ULK1: variants seen among roughly 807,000 people sequenced by gnomAD.
The protein encoded by ULK1 is unc-51 like autophagy activating kinase 1.
In ULK1, 48 loss-of-function variants were observed where a neutral mutation model predicts 117.5. The ratio of observed to expected loss-of-function variants is 0.41; its 90% CI spans 0.32 to 0.52. ULK1 has a LOEUF of 0.52. Ranked by LOEUF, ULK1 falls within the 20% of genes least tolerant of loss-of-function variation. ULK1 has a pLI of 0.29. For missense variants in ULK1, 1,387 were observed against 1,473.4 expected (o/e 0.94, Z 0.96); for synonymous variants, 790 against 637.8 (o/e 1.24, Z -3.60).
In ULK1 at chr12:131,908,625, G is replaced by A; in HGVS notation, c.317-19G>A. 3.4e-6 allele frequency: 5 copies of A among 1,468,964 alleles called. No homozygotes were observed. Among genetic ancestry groups the A allele is most frequent in the Non-Finnish European group, 3.6e-6 (4 of 1,115,830 alleles). 91.0% of individuals were successfully genotyped at this position (1,468,964 alleles called of 1,614,324 possible). A position where few individuals can be genotyped will look rare whatever the true frequency, so the allele number is the denominator to read the frequency against. On this transcript the variant is annotated intron_variant, in intron 5 of 27. Coordinates refer to ENST00000321867, the MANE Select transcript of ULK1 (RefSeq NM_003565.4). ...GGAGGAAACACGGCCCCCAGGCCCT[G>A]AGCCGCCTCTCCCCGCAGCCATGCG...
At position 131,913,931 on chromosome 12, in the gene ULK1, G is replaced by C. The variant is rs1344008015; in HGVS notation, c.1247+95G>C. 4 of 1,115,792 alleles carry C rather than the reference G, an allele frequency of 3.6e-6. No homozygotes were observed. The African/African-American group carries it at 4.9e-5, about 14-fold the overall frequency. 69.1% of individuals were successfully genotyped at this position (1,115,792 alleles called of 1,614,324 possible). On this transcript the variant is annotated intron_variant, in intron 15 of 27. Transcript: ENST00000321867. ...GTGTCGCAGCCAGCCCAGGCCTGCT[G>C]TGTCCAGAGGCCCCTGCCTTCTTCT...
rs1413532595 is a variant in ULK1, at chr12:131,916,343, G to A, written c.1879-55G>A. On this transcript the variant is annotated intron_variant, in intron 19 of 27. Transcript: ENST00000321867. ...GACTCGGCCCCTTCCCCAGGCACCG[G>A]GCCCCAGGGCTGCAGACCTGCGGGG... The A allele has an allele frequency of 2.6e-6, 4 of 1,524,902 alleles. No homozygotes were observed. In the African/African-American group the frequency reaches 4.2e-5, roughly 16 times the overall value. The allele number at this position is 1,524,902 out of a possible 1,614,324, so 94.5% of individuals were successfully genotyped here.
chr12:131,908,781 C>T lies in ULK1; in HGVS notation c.454C>T (p.Arg152Cys), dbSNP rs772152229. ...CATCCTGCTGTCCAACCCCGCCGGC[C>T]GCCGCGCCAACCCCAACAGCATCCG... ...QNILLSNPAGRRANPNSIRVK... is the reference protein window; with the variant it reads ...QNILLSNPAGCRANPNSIRVK... The change falls in exon 6 of 28, where the codon CGC becomes TGC. Residue 152 changes from arginine (R) to cysteine (C), a missense_variant. Arg to Cys is a radical substitution (Grantham distance 180). This residue lies in a region of ULK1 where 224 missense variants were observed against 325.2 expected (regional missense o/e 0.69). Transcript: ENST00000321867. 1.1e-5 allele frequency: 17 copies of T among 1,607,522 alleles called. No individual in the cohort carries two copies. Among genetic ancestry groups the T allele is most frequent in the Non-Finnish European group, 1.4e-5 (16 of 1,177,840 alleles).
chr12:131,920,168 G>A (rs1408428274), intron 26 of ULK1, 32 bp downstream of exon 26: 2 of 1,599,272 alleles, frequency 1.3e-6, no homozygotes, highest in African/African-American at 2.7e-5. Flanking sequence ...GTGGGGCAGG[G>A]GCCAGGAACT....
rs1485010009 is a variant in ULK1, at chr12:131,902,049, G to A, written c.247-4843G>A. On this transcript the variant is annotated intron_variant, in intron 3 of 27. Coordinates refer to ENST00000321867, the MANE Select transcript of ULK1 (RefSeq NM_003565.4). This position sits in a 1 kb window ranked among gnomAD's most constrained non-coding sequence, Gnocchi z 6.3. ...GTCCAGACCCCCAGGCCCAGCAGGC[G>A]GGAGGCTGCAGAGGTCAGCCTTGGG... Among the ~76,000 whole-genome samples the A allele has an allele frequency of 6.6e-6, 1 of 152,100 alleles. No individual in the cohort carries two copies. Among genetic ancestry groups the A allele is most frequent in the Non-Finnish European group, 1.5e-5 (1 of 67,992 alleles).
chr12:131,897,579 C>G (rs977901799), intron 3 of ULK1: 5 of 152,174 alleles, frequency 3.3e-5, no homozygotes, highest in Admixed American at 3.3e-4. Context: ...GGCCCTGTCT[C>G]TAAAAGAGTA....
At chr12:131,901,645 G>A (rs957868134) in intron 3 of ULK1, among the ~76,000 whole-genome samples, 1 of 152,220 alleles carries the variant, frequency 6.6e-6, no homozygotes, top group Admixed American at 6.5e-5. Context: ...CGTAGGTTGA[G>A]GGGTGCTGTG....
chr12:131,913,802 TC>T lies in ULK1; in HGVS notation c.1217del (p.Pro406HisfsTer241). ...LESHGRTPSP[S>X]PPCSSSPSPS... The stretch of plus-strand genomic sequence containing the variant: ...GAGCCACGGCCGGACCCCATCTCCA[TC>T]CCCACCCTGCAGCAGCTCCCCCAGT... On this transcript the variant is annotated frameshift_variant, in exon 15 of 28. Coordinates refer to ENST00000321867, the MANE Select transcript of ULK1 (RefSeq NM_003565.4). LOFTEE classifies it high-confidence loss of function. 1 of 1,573,192 alleles carries T rather than the reference TC, an allele frequency of 6.4e-7. No homozygotes were observed. Among genetic ancestry groups the T allele is most frequent in the Non-Finnish European group, 8.6e-7 (1 of 1,158,832 alleles).
intron 26 of ULK1, 182 bp downstream of exon 26, chr12:131,920,318 G>A (rs1890095662): frequency 4.0e-6 from 3 of 751,974 alleles, no homozygotes; most frequent in Admixed American, 3.0e-5. Flanking sequence ...GCTCGGCTGG[G>A]TGCATCCTTG....
At chr12:131,920,805 C>A in intron 26 of ULK1, 1 of 405,620 alleles carries the variant, frequency 2.5e-6, no homozygotes, top group East Asian at 3.8e-5. Flanking sequence ...TGCCCCCCTT[C>A]CCGCCCAGGC....
Position 131,915,440 on chromosome 12 carries a change from G to T in ULK1, c.1609+19G>T, listed in dbSNP as rs577978553. 32 of 1,610,920 alleles carry T rather than the reference G, an allele frequency of 2.0e-5. 1 individual carries two copies. Among genetic ancestry groups the T allele is most frequent in the Admixed American group, 1.8e-4 (11 of 59,936 alleles). The stretch of plus-strand genomic sequence containing the variant: ...CGTCCAGGTGGGTGCAGTCCGGAGG[G>T]GGGAGGGGGTGCTAGGCTGACCTCC... On this transcript the variant is annotated intron_variant, in intron 18 of 27. Coordinates refer to ENST00000321867, the MANE Select transcript of ULK1 (RefSeq NM_003565.4).
chr12:131,913,119 C>T (rs1889613933), intron 13 of ULK1, 79 bp from the exon 14 acceptor site: 2 of 1,391,766 alleles, frequency 1.4e-6, no homozygotes, highest in Non-Finnish European at 1.9e-6. Flanking sequence ...CGTGGGGATC[C>T]AGCAGAGAGC....
intron 20 of ULK1, 48 bp from the exon 21 acceptor site, chr12:131,916,905 A>AGGGTG (rs1889814552): frequency 7.7e-7 from 1 of 1,290,384 alleles, no homozygotes; most frequent in Non-Finnish European, 1.0e-6. Context: ...AGGTCCAGTT[A>AGGGTG]GGGTGGGGTG....
At chr12:131,895,301 C>G (rs1235291142) in intron 1 of ULK1, among the ~76,000 whole-genome samples, 189 bp downstream of exon 1, 1 of 151,082 alleles carries the variant, frequency 6.6e-6, no homozygotes, top group Non-Finnish European at 1.5e-5. Flanking sequence ...TTCAGACTCC[C>G]GCCCCGAGAT....
chr12:131,909,813 G>C lies in ULK1; in HGVS notation c.705G>C (p.Lys235Asn), dbSNP rs752863975. ...AGGACCTGCGCCTGTTCTACGAGAA[G>C]AACAAGACGTTGGTCCCCACGTAAG... is the stretch of plus-strand genomic sequence containing the variant. Reference protein sequence around the residue: ...SPQDLRLFYEKNKTLVPTIPR... With the variant: ...SPQDLRLFYENNKTLVPTIPR... Residue 235 changes from lysine to asparagine, a missense_variant, in exon 9 of 28, where the codon AAG (lysine) becomes AAC (asparagine). This residue lies in a region of ULK1 where 260 missense variants were observed against 271.6 expected (regional missense o/e 0.96). Transcript: ENST00000321867. 3 of 1,611,550 alleles carry C rather than the reference G, an allele frequency of 1.9e-6. No individual in the cohort carries two copies. Among genetic ancestry groups the C allele is most frequent in the East Asian group, 2.2e-5 (1 of 44,832 alleles).
In ULK1 at chr12:131,895,657, T is replaced by G; in HGVS notation, c.168T>G (p.Ser56=). Reference sequence around the variant, plus strand: ...TTAACAAGAAGAACCTCGCCAAGTCTCAGACGCTGCTGGGGAAGGAAATCA... The same window carrying G: ...TTAACAAGAAGAACCTCGCCAAGTCGCAGACGCTGCTGGGGAAGGAAATCA... ...KCINKKNLAK[S]QTLLGKEIKI... The change falls in exon 2 of 28, where the codon TCT becomes TCG. Residue 56 remains serine, a synonymous_variant. Coordinates refer to ENST00000321867, the MANE Select transcript of ULK1 (RefSeq NM_003565.4). 2 of 1,614,024 alleles carry G rather than the reference T, an allele frequency of 1.2e-6. No homozygotes were observed. The highest frequency in any genetic ancestry group is 2.7e-5 in the African/African-American group (2 of 75,018).
chr12:131,917,097 T>TGGGGGTCGGAGGCTGTGGGAC (rs1889836962), intron 21 of ULK1, 35 bp downstream of exon 21: 5 of 442,912 alleles, frequency 1.1e-5, no homozygotes, highest in South Asian at 3.7e-5. Context: ...GGCTGTGGGA[T>TGGGGGTCGGAGGCTGTGGGAC]GGGGGTCGGA....
At chr12:131,898,706 T>C (rs1888970775) in intron 3 of ULK1, among the ~76,000 whole-genome samples, 1 of 151,164 alleles carries the variant, frequency 6.6e-6, no homozygotes, top group African/African-American at 2.4e-5. Context: ...TTCACCATGT[T>C]GGCCAGCCTG....
chr12:131,910,778 C>T lies in ULK1; in HGVS notation c.926C>T (p.Thr309Ile), dbSNP rs1487087251. The change falls in exon 12 of 28, where the codon ACC becomes ATC. Residue 309 changes from threonine to isoleucine, a missense_variant. Coordinates refer to ENST00000321867, the MANE Select transcript of ULK1 (RefSeq NM_003565.4). Reference protein sequence around the residue: ...GSGSSSSSSSTSHLASPPSLG... With the variant: ...GSGSSSSSSSISHLASPPSLG... ...GGCAGCAGCTCCAGCAGCAGCTCCA[C>T]CTCCCACCTGGCCTCCCCGCCGGTG... is the stretch of plus-strand genomic sequence containing the variant. The T allele has an allele frequency of 4.3e-6, 7 of 1,612,656 alleles. No individual in the cohort carries two copies. The highest frequency in any genetic ancestry group is 5.9e-6 in the Non-Finnish European group (7 of 1,179,886).
Sources: allele counts gnomAD v4.1 joint callset (sites outside exome capture counted in the v4.1 genomes callset), GRCh38; gene constraint gnomAD v4.1.1; regional missense constraint gnomAD v4.1.1; non-coding constraint Gnocchi (gnomAD v3.1); transcripts MANE v1.5; gene names NCBI Gene and HGNC (gene_info 2026-07-23, HGNC 2026-07-21).